NRP2: variants seen among roughly 807,000 people sequenced by gnomAD.
NRP2 encodes neuropilin 2, also known as neuropilin-2.
NRP2 carries 52 observed loss-of-function variants against 110.4 expected under a neutral mutation model. The ratio of observed to expected loss-of-function variants is 0.47; its 90% CI spans 0.38 to 0.59. The LOEUF (loss-of-function observed/expected upper bound fraction) is 0.59. Among genes scored for constraint, NRP2 ranks in the 20% least tolerant of loss-of-function variants. NRP2 has a pLI of 0.00. For missense variants in NRP2, 1,049 were observed against 1,203.0 expected, an observed-to-expected ratio of 0.87 and a Z score of 1.89; for synonymous variants, 508 against 468.9, an observed-to-expected ratio of 1.08 and a Z score of -1.08.
At chr2:205,708,339 G>A (rs908726109) in intron 2 of NRP2, among the ~76,000 whole-genome samples, 1 of 152,176 alleles carries the variant, frequency 6.6e-6, no homozygotes, top group African/African-American at 2.4e-5. Flanking sequence ...GTGTGTGCTG[G>A]TCCAGAAGCA....
chr2:205,694,679 G>C (rs1438073999), intron 1 of NRP2, among the ~76,000 whole-genome samples: 1 of 152,104 alleles, frequency 6.6e-6, no homozygotes, highest in Non-Finnish European at 1.5e-5. Flanking sequence ...GTTCATTGTG[G>C]AACACAATAA....
intron 6 of NRP2, among the ~76,000 whole-genome samples, chr2:205,727,640 T>C (rs1023465753): frequency 2.6e-5 from 4 of 152,214 alleles, no homozygotes; most frequent in Admixed American, 2.6e-4. Flanking sequence ...AATCGAGTAT[T>C]GTCCCTTCAT....
At chr2:205,772,157 C>T (rs1441270096) in intron 15 of NRP2, among the ~76,000 whole-genome samples, 2 of 152,230 alleles carry the variant, frequency 1.3e-5, no homozygotes, top group Non-Finnish European at 2.9e-5. Context: ...CTCTCAAGTA[C>T]TCAGGTCTCC....
intron 12 of NRP2, among the ~76,000 whole-genome samples, chr2:205,757,508 C>T (rs576104600): frequency 6.6e-6 from 1 of 152,092 alleles, no homozygotes; most frequent in Non-Finnish European, 1.5e-5. Flanking sequence ...GAGGAAATAA[C>T]TGATGAGTGA....
intron 1 of NRP2, among the ~76,000 whole-genome samples, chr2:205,689,351 G>A (rs1455304863): frequency 5.3e-5 from 8 of 152,150 alleles, no homozygotes; most frequent in Admixed American, 5.2e-4. Context: ...AATGTGTTTG[G>A]TAACAATACC....
At chr2:205,730,360 G>C (rs1387451778) in intron 7 of NRP2, among the ~76,000 whole-genome samples, 1 of 151,380 alleles carries the variant, frequency 6.6e-6, no homozygotes, top group Non-Finnish European at 1.5e-5. Flanking sequence ...GCCATGGGGG[G>C]AGGTGGGGGT....
intron 7 of NRP2, among the ~76,000 whole-genome samples, chr2:205,737,007 T>C (rs2105854900): frequency 6.6e-6 from 1 of 152,348 alleles, no homozygotes; most frequent in Middle Eastern, 3.4e-3. Flanking sequence ...TGGGTCAGGA[T>C]AAATAGAAAC....
At chr2:205,777,360 G>A (rs188878728) in intron 15 of NRP2, 32 of 155,450 alleles carry the variant, frequency 2.1e-4, no homozygotes, top group African/African-American at 4.8e-4. Context: ...GGGTGTCTGC[G>A]GAACCACCTC....
chr2:205,740,234 CAAGT>C (rs1264680035), intron 7 of NRP2, among the ~76,000 whole-genome samples: 1 of 152,184 alleles, frequency 6.6e-6, no homozygotes, highest in African/African-American at 2.4e-5. Flanking sequence ...CTTAGCTTCT[CAAGT>C]GTTTTCCTTC....
chr2:205,690,547 C>T (rs1393122491), intron 1 of NRP2, among the ~76,000 whole-genome samples: 5 of 150,414 alleles, frequency 3.3e-5, no homozygotes, highest in African/African-American at 1.2e-4. Flanking sequence ...ACCAGCCTGG[C>T]CAACATAGCA....
chr2:205,734,676 C>G (rs961252808), intron 7 of NRP2, among the ~76,000 whole-genome samples: 2 of 152,158 alleles, frequency 1.3e-5, no homozygotes, highest in African/African-American at 4.8e-5. Flanking sequence ...ATTCCTGCCA[C>G]TTTTCTCTTC....
At chr2:205,728,099 G>A (rs2057164562) in intron 7 of NRP2, 53 bp downstream of exon 7, 6 of 1,609,190 alleles carry the variant, frequency 3.7e-6, no homozygotes, top group Non-Finnish European at 4.3e-6. Context: ...AGGAGGGATG[G>A]GATCAGGGGA....
At chr2:205,714,437 T>G (rs185609258) in intron 2 of NRP2, among the ~76,000 whole-genome samples, 1 of 152,348 alleles carries the variant, frequency 6.6e-6, no homozygotes, top group East Asian at 1.9e-4. Flanking sequence ...GCATCACCAT[T>G]GCTCACAGGA....
At chr2:205,762,070 A>G (rs1379172099) in intron 12 of NRP2, 1 of 152,220 alleles carries the variant, frequency 6.6e-6, no homozygotes, top group Non-Finnish European at 1.5e-5. Flanking sequence ...AGACACCATT[A>G]TTAATTCTCT....
intron 1 of NRP2, among the ~76,000 whole-genome samples, chr2:205,687,567 C>A (rs917857403): frequency 6.6e-6 from 1 of 152,200 alleles, no homozygotes; most frequent in Non-Finnish European, 1.5e-5. Context: ...CTCGTCCAAG[C>A]GGTGCCTGGT....
chr2:205,712,007 C>T (rs2056808312), intron 2 of NRP2, among the ~76,000 whole-genome samples: 1 of 152,138 alleles, frequency 6.6e-6, no homozygotes, highest in South Asian at 2.1e-4. Flanking sequence ...TCATATCTCT[C>T]CCGTGGACTC....
chr2:205,704,392 GTTA>G (rs932938169), intron 2 of NRP2, among the ~76,000 whole-genome samples: 4 of 152,148 alleles, frequency 2.6e-5, no homozygotes, highest in African/African-American at 9.7e-5. Flanking sequence ...TATTACTGAC[GTTA>G]TTATTTACTG....
chr2:205,704,434 C>A (rs1284450281), intron 2 of NRP2, among the ~76,000 whole-genome samples: 1 of 152,170 alleles, frequency 6.6e-6, no homozygotes, highest in African/African-American at 2.4e-5. Flanking sequence ...TATTCTGATT[C>A]CCCTAAGGAG....
rs2058357935 is a variant in NRP2 at position 205,797,087 on chromosome 2, T to C, written c.*2029T>C. ...TATCTACTGTGTATGTGAATGGTCA[T>C]GTGGGACTCAGTGGTGGTGTTGTGA... is the stretch of plus-strand genomic sequence containing the variant. On this transcript the variant is annotated 3_prime_UTR_variant, in exon 17 of 17. Transcript: ENST00000357785. The C allele has an allele frequency of 6.5e-6, 1 of 152,702 alleles. No individual in the cohort carries two copies. Among genetic ancestry groups the C allele is most frequent in the African/African-American group, 2.4e-5 (1 of 41,438 alleles). The allele number at this position is 152,702 out of a possible 1,614,324, so 9.5% of individuals were successfully genotyped here. A position where few individuals can be genotyped will look rare whatever the true frequency, so the allele number is the denominator to read the frequency against.
Sources: allele counts gnomAD v4.1 joint callset (sites outside exome capture counted in the v4.1 genomes callset), GRCh38; gene constraint gnomAD v4.1.1; transcripts MANE v1.5; gene names NCBI Gene and HGNC (gene_info 2026-07-23, HGNC 2026-07-21).